The following TANC1 variants were observed in gnomAD, a reference collection of about 807,000 sequenced individuals.
TANC1 encodes protein TANC1.
A neutral mutation model predicts 149.7 loss-of-function variants in TANC1; 77 were observed. The ratio of observed to expected loss-of-function variants is 0.51; its 90% CI spans 0.43 to 0.62. The LOEUF is 0.62. Among genes scored for constraint, TANC1 ranks in the 20% least tolerant of loss-of-function variants. The probability of loss-of-function intolerance (pLI) is 0.00; values close to 1 mark genes in which losing one functional copy is unlikely to be tolerated. For synonymous variants in TANC1, 854 were observed against 925.0 expected (o/e 0.92, Z 1.39); for missense variants, 1,985 against 2,321.8 (o/e 0.85, Z 2.98).
chr2:159,069,065 GAAACTT>G (rs2042918430), intron 3 of TANC1, among the ~76,000 whole-genome samples: 1 of 152,174 alleles, frequency 6.6e-6, no homozygotes, highest in South Asian at 2.1e-4. Flanking sequence ...TATGTACAGT[GAAACTT>G]AAACTATTGA....
chr2:159,149,025 G>C (rs1020837775), intron 5 of TANC1, 117 bp from the exon 6 acceptor site: 2 of 1,220,184 alleles, frequency 1.6e-6, no homozygotes, highest in East Asian at 4.8e-5. Context: ...AACTTTGTGC[G>C]CATTTTATAG....
Position 159,165,706 on chromosome 2 carries a change from G to A in TANC1, c.946+2160G>A, listed in dbSNP as rs886176670. Among the ~76,000 whole-genome samples, 5 of 152,228 alleles carry A rather than the reference G, an allele frequency of 3.3e-5. No homozygotes were observed. In the South Asian group the frequency reaches 6.2e-4, roughly 19 times the overall value. ...AGAAGAATCAGAATAATATGTGAAG[G>A]ACCGTATACAGAAATCTCTTAGAAG... On this transcript the variant is annotated intron_variant, in intron 8 of 26. Transcript: ENST00000263635.
rs114492694 is a variant in TANC1 at position 159,008,207 on chromosome 2, G to A, written c.-16+7018G>A. On this transcript the variant is annotated intron_variant, in intron 2 of 26. Transcript: ENST00000263635. ...TAATATCTGTTATACAATTGCTGTT[G>A]CAAACTATGCAAGCATTACTTTGAA... Among the ~76,000 whole-genome samples the A allele has an allele frequency of 5.7e-3, 862 of 152,260 alleles. 5 individuals carry two copies. The highest frequency in any genetic ancestry group is 8.7e-3 in the Non-Finnish European group (594 of 68,006).
At chr2:159,100,745 A>G (rs2046602878) in intron 4 of TANC1, among the ~76,000 whole-genome samples, 1 of 152,230 alleles carries the variant, frequency 6.6e-6, no homozygotes, top group Admixed American at 6.5e-5. Flanking sequence ...CTGTTTAAAA[A>G]TGGCAGTGAC....
At chr2:158,974,295 A>G (rs1443424497) in intron 1 of TANC1, among the ~76,000 whole-genome samples, 6 of 152,232 alleles carry the variant, frequency 3.9e-5, no homozygotes, top group Non-Finnish European at 8.8e-5. Context: ...AGTTTACAAC[A>G]TTATAACCAT....
chr2:159,120,946 G>C (rs2048788688), intron 4 of TANC1, among the ~76,000 whole-genome samples: 1 of 152,016 alleles, frequency 6.6e-6, no homozygotes, highest in Non-Finnish European at 1.5e-5. Flanking sequence ...ACCTAGATAA[G>C]CCCCTCATCT....
chr2:159,220,505 T>C (rs1024823704), intron 22 of TANC1, among the ~76,000 whole-genome samples: 2 of 151,910 alleles, frequency 1.3e-5, no homozygotes, highest in African/African-American at 2.4e-5. Context: ...GGTTTCACCA[T>C]GTTGGCCAGG....
At chr2:159,054,799 T>G (rs1574366680) in intron 2 of TANC1, among the ~76,000 whole-genome samples, 5 of 152,362 alleles carry the variant, frequency 3.3e-5, no homozygotes, top group Admixed American at 3.3e-4. Flanking sequence ...TCTGAGGGGT[T>G]CCTTTTTCAT....
intron 11 of TANC1, among the ~76,000 whole-genome samples, chr2:159,173,369 G>T (rs910743240): frequency 3.9e-5 from 6 of 152,178 alleles, no homozygotes; most frequent in African/African-American, 1.4e-4. Flanking sequence ...TTGGGAGGCC[G>T]AGGCGTACAG....
At chr2:158,986,546 C>T (rs1288918376) in intron 1 of TANC1, among the ~76,000 whole-genome samples, 1 of 152,122 alleles carries the variant, frequency 6.6e-6, no homozygotes, top group African/African-American at 2.4e-5. Flanking sequence ...CAGGCCCTGC[C>T]CCCAGGAGGT....
chr2:159,209,554 C>T (rs949718688), intron 19 of TANC1, among the ~76,000 whole-genome samples: 2 of 152,290 alleles, frequency 1.3e-5, no homozygotes, highest in South Asian at 4.1e-4. Context: ...TTCCCTGAGG[C>T]CCTCAGTGTG....
At chr2:159,195,979 A>G (rs1268366905) in intron 17 of TANC1, among the ~76,000 whole-genome samples, 1 of 152,184 alleles carries the variant, frequency 6.6e-6, no homozygotes, top group African/African-American at 2.4e-5. Flanking sequence ...TGGGGCCTTG[A>G]GGAGTAGGTG....
intron 2 of TANC1, among the ~76,000 whole-genome samples, chr2:159,021,304 A>C (rs540200446): frequency 6.6e-6 from 1 of 152,276 alleles, no homozygotes; most frequent in African/African-American, 2.4e-5. Context: ...GTAGGTAGAC[A>C]TCAGTGGTTT....
In TANC1 at chr2:158,987,170, C is replaced by T. The variant is rs186027594; in HGVS notation, c.-125-13910C>T. On this transcript the variant is annotated intron_variant, in intron 1 of 26. Transcript: ENST00000263635. ...CGGAGGCTGCAGTGAGCCGAGATTG[C>T]GCCACTGCACTCCAGCCTGGGTGAC... 5.4e-3 allele frequency among the ~76,000 whole-genome samples: 795 copies of T among 148,006 alleles called. 4 individuals carry two copies. Among genetic ancestry groups the T allele is most frequent in the African/African-American group, 0.019 (747 of 40,104 alleles).
intron 2 of TANC1, chr2:159,003,885 A>G (rs1172724276): frequency 6.8e-6 from 11 of 1,612,704 alleles, no homozygotes; most frequent in Admixed American, 1.7e-5. Context: ...GCTCAGGTCC[A>G]GATAGGGGGC....
chr2:159,199,863 G>A (rs1261940988), intron 19 of TANC1, among the ~76,000 whole-genome samples: 1 of 152,154 alleles, frequency 6.6e-6, no homozygotes, highest in African/African-American at 2.4e-5. Flanking sequence ...GTGGTGTGAA[G>A]AGCTTATTAG....
chr2:159,202,744 G>A (rs971001352), intron 19 of TANC1, among the ~76,000 whole-genome samples: 1 of 152,156 alleles, frequency 6.6e-6, no homozygotes, highest in African/African-American at 2.4e-5. Flanking sequence ...CTCAGTCAGT[G>A]TCTGTTCCGT....
At position 159,204,702 on chromosome 2, in the gene TANC1, G is replaced by A. The variant is rs1378276795; in HGVS notation, c.3244+5649G>A. 3.9e-5 allele frequency among the ~76,000 whole-genome samples: 6 copies of A among 152,244 alleles called. No individual in the cohort carries two copies. In the East Asian group the frequency reaches 1.2e-3, roughly 29 times the overall value. On this transcript the variant is annotated intron_variant, in intron 19 of 26. Transcript: ENST00000263635. ...TTCTGGAAGGGGATGCCCTATCGGAGTTGGTTAAAAGTGTGACTGAAATAC... is the reference window on the plus strand; with the variant it reads ...TTCTGGAAGGGGATGCCCTATCGGAATTGGTTAAAAGTGTGACTGAAATAC...
At chr2:159,061,901 ATTGT>A (rs962536818) in intron 2 of TANC1, among the ~76,000 whole-genome samples, 2 of 152,130 alleles carry the variant, frequency 1.3e-5, no homozygotes, top group East Asian at 3.8e-4. Context: ...AACTTGAGGG[ATTGT>A]TTGGTCAGTA....
Sources: gnomAD v4.1 joint callset for allele counts (sites outside exome capture counted in the v4.1 genomes callset) on GRCh38, gnomAD v4.1.1 for gene constraint, MANE v1.5 for transcripts, NCBI Gene and HGNC (gene_info 2026-07-23, HGNC 2026-07-21) for gene names.